The following RAB30 variants were observed in gnomAD, a reference collection of about 807,000 sequenced individuals.
The protein encoded by RAB30 is RAB30, member RAS oncogene family, also known as ras-related protein Rab-30.
A neutral mutation model predicts 25.1 loss-of-function variants in RAB30; 9 were observed. That is an observed-to-expected ratio of 0.36 (90% CI 0.22 to 0.63). The LOEUF (loss-of-function observed/expected upper bound fraction) is 0.63, where lower values mean the gene tolerates loss of function less well. Among genes scored for constraint, RAB30 ranks in the 20% least tolerant of loss-of-function variants. The pLI, the probability that RAB30 is intolerant of heterozygous loss-of-function variation, is 0.69. For synonymous variants in RAB30, 77 were observed against 86.4 expected (o/e 0.89, Z 0.60); for missense variants, 140 against 243.5 (o/e 0.58, Z 2.83).
At position 82,976,332 on chromosome 11, in the gene RAB30, T is replaced by C. The variant is rs1169809367; in HGVS notation, c.*5833A>G. On this transcript the variant is annotated 3_prime_UTR_variant, in exon 5 of 5. Coordinates refer to ENST00000527633, the MANE Select transcript of RAB30 (RefSeq NM_001286060.2). ...TGTACTTTCAACTTATCTCATCTAA[T>C]TTTCACAATAATCCTGACAGGTCTA... is the stretch of plus-strand genomic sequence containing the variant. The C allele has an allele frequency of 1.3e-5, 2 of 152,218 alleles. No individual in the cohort carries two copies. The highest frequency in any genetic ancestry group is 4.8e-5 in the African/African-American group (2 of 41,450). 9.4% of individuals were successfully genotyped at this position (152,218 alleles called of 1,614,324 possible).
chr11:83,043,041 G>A (rs1219525168), intron 1 of RAB30, among the ~76,000 whole-genome samples: 1 of 152,162 alleles, frequency 6.6e-6, no homozygotes, highest in Non-Finnish European at 1.5e-5. Context: ...AAATGGCTGT[G>A]ATTGTTCATG....
At chr11:82,985,426 C>T (rs1465968593) in intron 4 of RAB30, among the ~76,000 whole-genome samples, 2 of 151,988 alleles carry the variant, frequency 1.3e-5, no homozygotes, top group Admixed American at 1.3e-4. Flanking sequence ...TGAGAACTAC[C>T]CCTCAGAGTA....
intron 1 of RAB30, among the ~76,000 whole-genome samples, chr11:83,031,015 G>A (rs1358395787): frequency 2.6e-5 from 4 of 152,182 alleles, no homozygotes; most frequent in South Asian, 4.1e-4. Context: ...AATAGGACAC[G>A]TAGCAGGACA....
intron 1 of RAB30, among the ~76,000 whole-genome samples, chr11:83,059,734 T>C (rs568688072): frequency 6.6e-6 from 1 of 152,338 alleles, no homozygotes; most frequent in South Asian, 2.1e-4. Context: ...TCGCCTACTT[T>C]ATCAGATTGC....
chr11:83,002,492 A>G (rs1211624865), intron 1 of RAB30, among the ~76,000 whole-genome samples: 1 of 152,328 alleles, frequency 6.6e-6, no homozygotes, highest in African/African-American at 2.4e-5. Context: ...GGATATATGG[A>G]TAAGATTCAA....
intron 1 of RAB30, among the ~76,000 whole-genome samples, chr11:83,007,137 A>T (rs1857201291): frequency 6.6e-6 from 1 of 152,216 alleles, no homozygotes; most frequent in African/African-American, 2.4e-5. Flanking sequence ...CATGTAAGCA[A>T]CAGAGCCAGA....
chr11:83,039,727 C>A (rs1198466589), intron 1 of RAB30, among the ~76,000 whole-genome samples: 1 of 152,022 alleles, frequency 6.6e-6, no homozygotes, highest in Non-Finnish European at 1.5e-5. Context: ...TAACCAAGAG[C>A]ACACAACAAT....
At chr11:83,029,224 C>T (rs1019910951) in intron 1 of RAB30, among the ~76,000 whole-genome samples, 3 of 152,016 alleles carry the variant, frequency 2.0e-5, no homozygotes, top group Non-Finnish European at 4.4e-5. Context: ...TGCCATTAAA[C>T]CCTCTTTTGT....
At chr11:83,021,090 G>A (rs1857567302) in intron 1 of RAB30, among the ~76,000 whole-genome samples, 2 of 152,186 alleles carry the variant, frequency 1.3e-5, no homozygotes, top group African/African-American at 4.8e-5. Flanking sequence ...AGGACATCCT[G>A]GCCATGGAGA....
chr11:82,982,539 G>T, intron 4 of RAB30, 124 bp from the exon 5 acceptor site: 2 of 1,017,584 alleles, frequency 2.0e-6, no homozygotes, highest in Middle Eastern at 3.2e-4. Context: ...CAAAACAAAT[G>T]TGACTGTGAT....
At chr11:83,058,655 T>A (rs2121520042) in intron 1 of RAB30, among the ~76,000 whole-genome samples, 1 of 152,392 alleles carries the variant, frequency 6.6e-6, no homozygotes, top group East Asian at 1.9e-4. Flanking sequence ...TCACTTAAAG[T>A]GGTGTCTGCC....
chr11:83,014,917 G>C (rs944713832), intron 1 of RAB30, among the ~76,000 whole-genome samples: 2 of 152,052 alleles, frequency 1.3e-5, no homozygotes, highest in Non-Finnish European at 2.9e-5. Context: ...TACATTTCAG[G>C]CATAGAGATC....
chr11:83,013,938 G>T (rs1194445342), intron 1 of RAB30, among the ~76,000 whole-genome samples: 2 of 152,218 alleles, frequency 1.3e-5, no homozygotes, highest in African/African-American at 4.8e-5. Context: ...TGAGACATAA[G>T]TGTTGGCCTC....
chr11:83,039,495 A>G (rs1858058304), intron 1 of RAB30, among the ~76,000 whole-genome samples: 1 of 152,196 alleles, frequency 6.6e-6, no homozygotes, highest in South Asian at 2.1e-4. Flanking sequence ...CCTGGGCAAC[A>G]TGGCAAAACT....
rs1397482346 is a variant in RAB30 at position 82,977,500 on chromosome 11, G to A, written c.*4665C>T. ...GATCCTCTCCACATCTTTGCCTCTT[G>A]ACAGAGGCTATTACCTGAGGCAGAC... is the stretch of plus-strand genomic sequence containing the variant. On this transcript the variant is annotated 3_prime_UTR_variant, in exon 5 of 5. Coordinates refer to ENST00000527633, the MANE Select transcript of RAB30 (RefSeq NM_001286060.2). 1.3e-5 allele frequency: 2 copies of A among 152,184 alleles called. No homozygotes were observed. The highest frequency in any genetic ancestry group is 4.8e-5 in the African/African-American group (2 of 41,438). 9.4% of individuals were successfully genotyped at this position (152,184 alleles called of 1,614,324 possible). A position where few individuals can be genotyped will look rare whatever the true frequency, so the allele number is the denominator to read the frequency against.
At chr11:83,048,748 T>C (rs962763430) in intron 1 of RAB30, among the ~76,000 whole-genome samples, 1 of 152,214 alleles carries the variant, frequency 6.6e-6, no homozygotes, top group Non-Finnish European at 1.5e-5. Flanking sequence ...GAGCCTGCAT[T>C]AGGTTCATGC....
At chr11:83,035,090 G>A (rs951190540) in intron 1 of RAB30, among the ~76,000 whole-genome samples, 3 of 150,920 alleles carry the variant, frequency 2.0e-5, no homozygotes. Context: ...ATAAGATACA[G>A]GTCATTATTA....
At chr11:82,997,513 T>C in intron 1 of RAB30, 189 bp from the exon 2 acceptor site, 1 of 556,162 alleles carries the variant, frequency 1.8e-6, no homozygotes, top group Non-Finnish European at 3.2e-6. Context: ...CTTTATTCCT[T>C]CTCAGCTACC....
At chr11:82,987,857 A>G (rs1204887205) in intron 3 of RAB30, 87 bp from the exon 4 acceptor site, 1 of 638,398 alleles carries the variant, frequency 1.6e-6, no homozygotes, top group Non-Finnish European at 2.3e-6. Flanking sequence ...CTTTGGTTTG[A>G]AAATGGGTAC....
Sources: gnomAD v4.1 joint callset for allele counts (sites outside exome capture counted in the v4.1 genomes callset) on GRCh38, gnomAD v4.1.1 for gene constraint, MANE v1.5 for transcripts, NCBI Gene and HGNC (gene_info 2026-07-23, HGNC 2026-07-21) for gene names.